The following PLEKHA5 variants were observed in gnomAD, a reference collection of about 807,000 sequenced individuals.
The protein encoded by PLEKHA5 is pleckstrin homology domain containing A5.
A neutral mutation model predicts 181.9 loss-of-function variants in PLEKHA5; 55 were observed. The observed-to-expected ratio is 0.30, with a 90% CI of 0.24 to 0.38. The LOEUF is 0.38. PLEKHA5 is among the 10% of genes least tolerant of loss of function. The pLI is 1.00. For synonymous variants in PLEKHA5, 535 were observed against 529.4 expected, an observed-to-expected ratio of 1.01 and a Z score of -0.15; for missense variants, 1,432 against 1,549.5, an observed-to-expected ratio of 0.92 and a Z score of 1.27.
chr12:19,293,247 C>T (rs2078924910), intron 15 of PLEKHA5, among the ~76,000 whole-genome samples: 1 of 152,078 alleles, frequency 6.6e-6, no homozygotes, highest in Non-Finnish European at 1.5e-5. Context: ...AGGGATTTTG[C>T]ATTAGGATAA....
chr12:19,226,214 CT>C (rs1425220703), intron 3 of PLEKHA5, among the ~76,000 whole-genome samples: 3 of 152,194 alleles, frequency 2.0e-5, no homozygotes, highest in African/African-American at 4.8e-5. Flanking sequence ...TTGTGTCTAG[CT>C]TTTTTCACTT....
intron 3 of PLEKHA5, among the ~76,000 whole-genome samples, chr12:19,227,061 A>G (rs2059793740): frequency 6.6e-6 from 1 of 152,172 alleles, no homozygotes; most frequent in Admixed American, 6.6e-5. Context: ...TGCAGAACTT[A>G]AAGTTTTGGC....
intron 3 of PLEKHA5, among the ~76,000 whole-genome samples, chr12:19,173,807 G>A (rs981404733): frequency 2.0e-5 from 3 of 152,090 alleles, no homozygotes; most frequent in Admixed American, 6.5e-5. Context: ...GGTCTCATGC[G>A]GATGATAGTG....
chr12:19,365,904 A>G, intron 29 of PLEKHA5, 60 bp from the exon 30 acceptor site: 1 of 1,230,560 alleles, frequency 8.1e-7, no homozygotes, highest in Non-Finnish European at 1.1e-6. Flanking sequence ...TAACAAAAAA[A>G]AGAAAAATTA....
intron 3 of PLEKHA5, among the ~76,000 whole-genome samples, chr12:19,192,523 A>G (rs570408052): frequency 2.6e-5 from 4 of 151,844 alleles, no homozygotes; most frequent in Admixed American, 2.6e-4. Context: ...CATGGTTGAA[A>G]CCCCGTCTCT....
At chr12:19,286,287 C>G (rs558806100) in intron 12 of PLEKHA5, among the ~76,000 whole-genome samples, 1 of 152,096 alleles carries the variant, frequency 6.6e-6, no homozygotes, top group South Asian at 2.1e-4. Context: ...ACAAATAGAC[C>G]AAGTGGATAT....
intron 3 of PLEKHA5, chr12:19,150,102 G>C (rs997538746): frequency 6.6e-6 from 1 of 152,180 alleles, no homozygotes; most frequent in South Asian, 2.1e-4. Context: ...GATTACACTT[G>C]ATCCTGAACA....
intron 3 of PLEKHA5, among the ~76,000 whole-genome samples, chr12:19,145,624 G>A (rs955511961): frequency 6.6e-6 from 1 of 152,024 alleles, no homozygotes; most frequent in Non-Finnish European, 1.5e-5. Context: ...TGTAAAACAT[G>A]TCTTGATGGT....
intron 3 of PLEKHA5, among the ~76,000 whole-genome samples, chr12:19,167,958 C>G (rs971894762): frequency 1.3e-5 from 2 of 152,030 alleles, no homozygotes; most frequent in Non-Finnish European, 2.9e-5. Flanking sequence ...GTTGATAATT[C>G]CATATTTAAT....
In PLEKHA5 at chr12:19,322,328, T is replaced by C. The variant is rs763486423; in HGVS notation, c.2236T>C (p.Cys746Arg). Residue 746 changes from cysteine to arginine, a missense_variant, in exon 19 of 32, where the codon TGT (cysteine) becomes CGT (arginine). Transcript: ENST00000429027. Reference protein sequence around the residue: ...VDIDAKLSRLCEQDKVVHALE... With the variant: ...VDIDAKLSRLREQDKVVHALE... ...AACCTAGGCCAAGTTAAGCCGATTA[T>C]GTGAACAAGATAAAGTGGTGCATGC... 15 of 1,613,126 alleles carry C rather than the reference T, an allele frequency of 9.3e-6. No homozygotes were observed. In the Admixed American group the frequency reaches 2.5e-4, roughly 27 times the overall value.
chr12:19,264,792 A>AAAG (rs34349708), intron 7 of PLEKHA5, among the ~76,000 whole-genome samples: 140,522 of 152,090 alleles, frequency 0.92, 65,565 homozygotes, highest in Non-Finnish European at 1. Flanking sequence ...GAAAAACAAA[A>AAAG]AAGTCACACA....
chr12:19,367,179 C>G (rs1043809440), intron 30 of PLEKHA5, among the ~76,000 whole-genome samples: 7 of 151,756 alleles, frequency 4.6e-5, no homozygotes, highest in African/African-American at 1.7e-4. Flanking sequence ...AGCCACCATG[C>G]CCGGCCCTTT....
intron 3 of PLEKHA5, among the ~76,000 whole-genome samples, chr12:19,169,928 G>A (rs1255700114): frequency 6.6e-6 from 1 of 152,144 alleles, no homozygotes. Context: ...CGACTCAATG[G>A]TGTGCGCTAA....
At chr12:19,226,136 C>T (rs1274078629) in intron 3 of PLEKHA5, among the ~76,000 whole-genome samples, 1 of 152,076 alleles carries the variant, frequency 6.6e-6, no homozygotes, top group African/African-American at 2.4e-5. Context: ...GATTAATCTG[C>T]TTTCTGTCTC....
chr12:19,302,505 C>T (rs2081801706), intron 15 of PLEKHA5, among the ~76,000 whole-genome samples: 1 of 152,190 alleles, frequency 6.6e-6, no homozygotes, highest in African/African-American at 2.4e-5. Context: ...AAGTGATTCT[C>T]CTGACTCAGC....
At chr12:19,183,863 AC>A (rs916158511) in intron 3 of PLEKHA5, among the ~76,000 whole-genome samples, 1 of 152,070 alleles carries the variant, frequency 6.6e-6, no homozygotes, top group Non-Finnish European at 1.5e-5. Flanking sequence ...ACAGGTGTGC[AC>A]CACCACGCCC....
At chr12:19,256,523 C>T (rs757744411) in intron 5 of PLEKHA5, among the ~76,000 whole-genome samples, 1 of 151,956 alleles carries the variant, frequency 6.6e-6, no homozygotes, top group Admixed American at 6.6e-5. Flanking sequence ...CTTTTTGTGT[C>T]GTTTGAGTTT....
intron 3 of PLEKHA5, among the ~76,000 whole-genome samples, chr12:19,186,268 C>G (rs4764468): frequency 0.89 from 135,292 of 152,174 alleles, 60,958 homozygotes; most frequent in Non-Finnish European, 0.97. Flanking sequence ...ATGGGTGGTA[C>G]CATTAAAAAT....
At chr12:19,357,847 C>T (rs1157134698) in intron 26 of PLEKHA5, among the ~76,000 whole-genome samples, 1 of 151,868 alleles carries the variant, frequency 6.6e-6, no homozygotes, top group Non-Finnish European at 1.5e-5. Context: ...ACCATGTTGC[C>T]CAGGCTGGTC....
Sources: gnomAD v4.1 joint callset for allele counts (sites outside exome capture counted in the v4.1 genomes callset) on GRCh38, gnomAD v4.1.1 for gene constraint, MANE v1.5 for transcripts, NCBI Gene and HGNC (gene_info 2026-07-23, HGNC 2026-07-21) for gene names.